The following NOX4 variants were observed in gnomAD, a reference collection of about 807,000 sequenced individuals.
NOX4 encodes the protein NADPH oxidase 4, also known as kidney oxidase-1.
In NOX4, 69 loss-of-function variants were observed where a neutral mutation model predicts 87.6. The observed-to-expected ratio is 0.79, with a 90% CI of 0.65 to 0.96. The LOEUF (loss-of-function observed/expected upper bound fraction) is 0.96, where lower values mean the gene tolerates loss of function less well. NOX4 is among the 40% of genes least tolerant of loss of function. NOX4 has a pLI of 0.00. For missense variants in NOX4, 680 were observed against 681.5 expected, an observed-to-expected ratio of 1.00 and a Z score of 0.02; for synonymous variants, 275 against 238.2, an observed-to-expected ratio of 1.15 and a Z score of -1.42.
intron 8 of NOX4, among the ~76,000 whole-genome samples, chr11:89,415,029 A>T (rs142223369): frequency 0.012 from 1,886 of 152,086 alleles, 36 homozygotes; most frequent in African/African-American, 0.042. Context: ...CATGGGCTCA[A>T]TCTTAGTTTT....
chr11:89,408,934 A>T (rs552009), intron 8 of NOX4, among the ~76,000 whole-genome samples: 63,655 of 151,918 alleles, frequency 0.42, 13,876 homozygotes, highest in African/African-American at 0.55. Flanking sequence ...ACTAATGTAT[A>T]GCCTAGGGTC....
chr11:89,548,081 T>C, the NOX4 span: 1 of 151,978 alleles, frequency 6.6e-6, no homozygotes, highest in African/African-American at 2.4e-5. Context: ...TAAATATGTA[T>C]AAATTTTGTA....
At chr11:89,511,627 T>C in the NOX4 span, among the ~76,000 whole-genome samples, 4 of 151,978 alleles carry the variant, frequency 2.6e-5, no homozygotes, top group African/African-American at 7.2e-5. Context: ...TCAGAAATAG[T>C]CTATTTCCTC....
intron 7 of NOX4, among the ~76,000 whole-genome samples, chr11:89,425,081 G>A (rs1422862333): frequency 2.0e-5 from 3 of 151,986 alleles, no homozygotes; most frequent in Non-Finnish European, 4.4e-5. Context: ...TATTCCATTT[G>A]ACAAAACTAT....
chr11:89,461,402 T>C (rs1337386306), intron 2 of NOX4, among the ~76,000 whole-genome samples: 1 of 151,908 alleles, frequency 6.6e-6, no homozygotes, highest in Non-Finnish European at 1.5e-5. Flanking sequence ...CCCAGCACTT[T>C]GGGAGGCTAA....
At chr11:89,554,063 A>T in the NOX4 span, among the ~76,000 whole-genome samples, 1 of 151,758 alleles carries the variant, frequency 6.6e-6, no homozygotes, top group Non-Finnish European at 1.5e-5. Flanking sequence ...AGCTGAAAAA[A>T]GTCTTTCCTA....
At chr11:89,407,719 A>T (rs1222917797) in intron 8 of NOX4, among the ~76,000 whole-genome samples, 1 of 152,088 alleles carries the variant, frequency 6.6e-6, no homozygotes, top group African/African-American at 2.4e-5. Context: ...AATATAATAC[A>T]TTAAATGAAT....
chr11:89,544,720 A>T, the NOX4 span, among the ~76,000 whole-genome samples: 1 of 152,122 alleles, frequency 6.6e-6, no homozygotes, highest in Non-Finnish European at 1.5e-5. Flanking sequence ...TAGTAAGGTC[A>T]TGCTGGGCTG....
chr11:89,583,894 A>G, the NOX4 span, among the ~76,000 whole-genome samples: 1 of 152,204 alleles, frequency 6.6e-6, no homozygotes, highest in Non-Finnish European at 1.5e-5. Flanking sequence ...AAAGGAATGG[A>G]TAAATGAATG....
chr11:89,385,538 T>C (rs1940638939), intron 11 of NOX4, among the ~76,000 whole-genome samples: 1 of 152,188 alleles, frequency 6.6e-6, no homozygotes, highest in South Asian at 2.1e-4. Context: ...CATTCTATTC[T>C]GTTGTCATTT....
At chr11:89,582,300 G>T in the NOX4 span, among the ~76,000 whole-genome samples, 422 of 151,884 alleles carry the variant, frequency 2.8e-3, 1 homozygote, top group Middle Eastern at 0.048. Context: ...GGATATTTAG[G>T]TTTTTTCCAT....
chr11:89,362,517 G>C (rs1938610705), intron 12 of NOX4, among the ~76,000 whole-genome samples: 1 of 151,738 alleles, frequency 6.6e-6, no homozygotes, highest in Non-Finnish European at 1.5e-5. Flanking sequence ...ATATATAATA[G>C]CTTTTTATTT....
At chr11:89,341,818 G>A (rs116461055) in intron 14 of NOX4, among the ~76,000 whole-genome samples, 2,633 of 152,170 alleles carry the variant, frequency 0.017, 73 homozygotes, top group African/African-American at 0.06. Flanking sequence ...GGATGGAGGC[G>A]AATGACTTTT....
chr11:89,554,031 G>A, the NOX4 span, among the ~76,000 whole-genome samples: 8 of 151,808 alleles, frequency 5.3e-5, no homozygotes, highest in South Asian at 1.5e-3. Context: ...AGGTCCTTGA[G>A]AAAGATATTC....
intron 2 of NOX4, among the ~76,000 whole-genome samples, chr11:89,453,363 T>C (rs898802191): frequency 3.9e-5 from 6 of 152,336 alleles, no homozygotes; most frequent in East Asian, 3.9e-4. Flanking sequence ...ATCCATGTTG[T>C]TGAAAATGAC....
intron 11 of NOX4, among the ~76,000 whole-genome samples, chr11:89,377,417 C>T (rs113112983): frequency 0.016 from 2,399 of 152,154 alleles, 62 homozygotes; most frequent in African/African-American, 0.055. Context: ...TAAAAAGTGA[C>T]AATCTGACTG....
intron 8 of NOX4, among the ~76,000 whole-genome samples, chr11:89,415,172 G>A (rs939921934): frequency 2.0e-5 from 3 of 151,508 alleles, no homozygotes; most frequent in African/African-American, 7.3e-5. Context: ...AAAAATTAAT[G>A]TGTGTGTGTG....
the NOX4 span, among the ~76,000 whole-genome samples, chr11:89,530,839 T>C: frequency 6.6e-6 from 1 of 152,056 alleles, no homozygotes; most frequent in Non-Finnish European, 1.5e-5. Flanking sequence ...GTAAGGGAAA[T>C]ACATGTGGCT....
At chr11:89,380,111 T>C (rs1394415407) in intron 11 of NOX4, among the ~76,000 whole-genome samples, 1 of 152,184 alleles carries the variant, frequency 6.6e-6, no homozygotes. Context: ...ATGAAGCATA[T>C]GGATGTATCA....
Sources: gnomAD v4.1 joint callset for allele counts (sites outside exome capture counted in the v4.1 genomes callset) on GRCh38, gnomAD v4.1.1 for gene constraint, MANE v1.5 for transcripts, NCBI Gene and HGNC (gene_info 2026-07-23, HGNC 2026-07-21) for gene names.